SPAG16: variants seen among roughly 807,000 people sequenced by gnomAD.
SPAG16 encodes the protein sperm associated antigen 16, also known as sperm-associated antigen 16 protein.
SPAG16 carries 86 observed loss-of-function variants against 80.4 expected under a neutral mutation model. That is an observed-to-expected ratio of 1.07 (90% CI 0.90 to 1.28). SPAG16 has a LOEUF of 1.28. Among genes scored for constraint, SPAG16 ranks in the 50% most tolerant of loss-of-function variants. The pLI is 0.00. For synonymous variants in SPAG16, 294 were observed against 265.9 expected, an observed-to-expected ratio of 1.11 and a Z score of -1.03; for missense variants, 870 against 765.3, an observed-to-expected ratio of 1.14 and a Z score of -1.61.
chr2:213,820,115 C>T (rs1387887009), intron 10 of SPAG16, among the ~76,000 whole-genome samples: 2 of 151,818 alleles, frequency 1.3e-5, no homozygotes, highest in Non-Finnish European at 2.9e-5. Context: ...CACTGTTTTG[C>T]CCAGGCTGAA....
intron 10 of SPAG16, among the ~76,000 whole-genome samples, chr2:213,684,891 T>G (rs980627469): frequency 6.6e-6 from 1 of 152,206 alleles, no homozygotes; most frequent in Non-Finnish European, 1.5e-5. Flanking sequence ...TGGGTTTAAG[T>G]CATACTACAA....
At chr2:214,325,592 A>G (rs901724169) in intron 15 of SPAG16, among the ~76,000 whole-genome samples, 2 of 152,090 alleles carry the variant, frequency 1.3e-5, no homozygotes, top group African/African-American at 4.8e-5. Flanking sequence ...TTTGTTTACA[A>G]ATTATCTTGG....
chr2:214,362,709 T>C (rs182662118), intron 15 of SPAG16, among the ~76,000 whole-genome samples: 2 of 152,010 alleles, frequency 1.3e-5, no homozygotes, highest in East Asian at 3.9e-4. Context: ...AAATTGCAAT[T>C]CACCAAGCAT....
chr2:213,899,664 A>T (rs894816155), intron 11 of SPAG16, among the ~76,000 whole-genome samples: 2 of 152,098 alleles, frequency 1.3e-5, no homozygotes. Flanking sequence ...CCACGTTTAT[A>T]TGAGAAACAG....
intron 15 of SPAG16, among the ~76,000 whole-genome samples, chr2:214,199,614 T>C (rs1424517856): frequency 1.3e-5 from 2 of 152,152 alleles, no homozygotes. Flanking sequence ...AATTTTAGGA[T>C]TGTTTATTCT....
At chr2:213,925,333 C>T (rs2106224947) in intron 11 of SPAG16, among the ~76,000 whole-genome samples, 1 of 148,886 alleles carries the variant, frequency 6.7e-6, no homozygotes, top group South Asian at 2.1e-4. Context: ...AACATTAATA[C>T]TTGTTCTTGT....
chr2:213,583,612 G>C (rs186522948), intron 10 of SPAG16, among the ~76,000 whole-genome samples: 9 of 152,218 alleles, frequency 5.9e-5, no homozygotes, highest in Admixed American at 5.9e-4. Context: ...TGACATTTGG[G>C]GGGGTGGTAA....
At chr2:213,751,540 C>G (rs948064927) in intron 10 of SPAG16, among the ~76,000 whole-genome samples, 1 of 152,176 alleles carries the variant, frequency 6.6e-6, no homozygotes, top group African/African-American at 2.4e-5. Context: ...TGGGTGAACT[C>G]CCTGCCACCT....
At chr2:214,058,368 G>C (rs2050053338) in intron 13 of SPAG16, among the ~76,000 whole-genome samples, 1 of 152,108 alleles carries the variant, frequency 6.6e-6, no homozygotes, top group East Asian at 1.9e-4. Flanking sequence ...AAGAGAGATG[G>C]GGGAGTGGCT....
chr2:214,160,708 T>C (rs1384867295), intron 15 of SPAG16, among the ~76,000 whole-genome samples: 1 of 152,090 alleles, frequency 6.6e-6, no homozygotes, highest in Non-Finnish European at 1.5e-5. Context: ...TGTAAGTTTC[T>C]AAAAACTATG....
intron 10 of SPAG16, among the ~76,000 whole-genome samples, chr2:213,709,294 AG>A (rs991670551): frequency 6.6e-6 from 1 of 152,206 alleles, no homozygotes; most frequent in African/African-American, 2.4e-5. Context: ...GCAATGGAAA[AG>A]GAAGGTGTGA....
intron 15 of SPAG16, among the ~76,000 whole-genome samples, chr2:214,305,154 G>A (rs1444411915): frequency 4.6e-5 from 7 of 152,148 alleles, no homozygotes; most frequent in East Asian, 3.9e-4. Context: ...TCATATGTTC[G>A]TTAGCTGCAT....
intron 15 of SPAG16, among the ~76,000 whole-genome samples, chr2:214,259,658 A>G (rs1690990579): frequency 6.7e-6 from 1 of 149,502 alleles, no homozygotes; most frequent in Admixed American, 6.7e-5. Flanking sequence ...GTTGGTGTTT[A>G]TTTTGTTTTG....
intron 13 of SPAG16, among the ~76,000 whole-genome samples, chr2:214,067,566 A>G (rs1465383377): frequency 6.6e-6 from 1 of 152,086 alleles, no homozygotes; most frequent in East Asian, 1.9e-4. Flanking sequence ...CACTTATAAA[A>G]TATACTCAAA....
intron 14 of SPAG16, among the ~76,000 whole-genome samples, chr2:214,125,626 C>T (rs1024807459): frequency 6.6e-6 from 1 of 151,720 alleles, no homozygotes; most frequent in Non-Finnish European, 1.5e-5. Flanking sequence ...TATAGCTCCA[C>T]CCTGTAATCT....
chr2:213,405,335 T>G (rs188985499), intron 9 of SPAG16, among the ~76,000 whole-genome samples: 3 of 152,306 alleles, frequency 2.0e-5, no homozygotes, highest in Non-Finnish European at 4.4e-5. Flanking sequence ...TTTTAAAATT[T>G]TATACTATCA....
chr2:213,332,676 A>G (rs1317191379), intron 5 of SPAG16, among the ~76,000 whole-genome samples: 2 of 152,208 alleles, frequency 1.3e-5, no homozygotes, highest in Non-Finnish European at 2.9e-5. Flanking sequence ...ATAATTCATC[A>G]TGACCAAGTG....
intron 9 of SPAG16, among the ~76,000 whole-genome samples, chr2:213,460,757 T>C (rs2072313860): frequency 6.6e-6 from 1 of 152,188 alleles, no homozygotes; most frequent in African/African-American, 2.4e-5. Context: ...AGTTACATAA[T>C]GCTACGGTTG....
chr2:213,659,148 A>G (rs1364301811), intron 10 of SPAG16, among the ~76,000 whole-genome samples: 1 of 152,192 alleles, frequency 6.6e-6, no homozygotes, highest in Non-Finnish European at 1.5e-5. Context: ...ATGTCTAACC[A>G]TCCATTGCTT....
Sources: allele counts gnomAD v4.1 joint callset (sites outside exome capture counted in the v4.1 genomes callset), GRCh38; gene constraint gnomAD v4.1.1; transcripts MANE v1.5; gene names NCBI Gene and HGNC (gene_info 2026-07-23, HGNC 2026-07-21).